Variants in MKLN1 observed in about 807,000 individuals in gnomAD.
The protein encoded by MKLN1 is muskelin 1.
In MKLN1, 18 loss-of-function variants were observed where a neutral mutation model predicts 99.0. The ratio of observed to expected loss-of-function variants is 0.18; its 90% CI spans 0.13 to 0.27. The LOEUF (loss-of-function observed/expected upper bound fraction) is 0.27. Ranked by LOEUF, MKLN1 falls within the 10% of genes least tolerant of loss-of-function variation. The pLI, the probability that MKLN1 is intolerant of heterozygous loss-of-function variation, is 1.00. For synonymous variants in MKLN1, 288 were observed against 293.2 expected, an observed-to-expected ratio of 0.98 and a Z score of 0.18; for missense variants, 621 against 875.9, an observed-to-expected ratio of 0.71 and a Z score of 3.67.
At chr7:131,201,315 C>T (rs952871889) in intron 2 of MKLN1, among the ~76,000 whole-genome samples, 5 of 152,292 alleles carry the variant, frequency 3.3e-5, no homozygotes, top group Non-Finnish European at 5.9e-5. Flanking sequence ...CCACCATGCC[C>T]GGCCCCACTT....
intron 3 of MKLN1, among the ~76,000 whole-genome samples, chr7:131,253,949 G>A (rs978558371): frequency 2.0e-5 from 3 of 152,124 alleles, no homozygotes; most frequent in African/African-American, 7.2e-5. Flanking sequence ...CAAACCTCAA[G>A]GACTGACCTC....
chr7:131,353,105 T>C (rs1249265930), intron 1 of MKLN1, among the ~76,000 whole-genome samples: 2 of 152,148 alleles, frequency 1.3e-5, no homozygotes, highest in Admixed American at 1.3e-4. Context: ...TGTTTGAACA[T>C]AGGTTTTTGT....
chr7:131,425,728 G>T (rs1194784437), intron 8 of MKLN1, among the ~76,000 whole-genome samples: 1 of 152,122 alleles, frequency 6.6e-6, no homozygotes, highest in African/African-American at 2.4e-5. Context: ...AGATGTACAT[G>T]AATTATTATA....
intron 1 of MKLN1, among the ~76,000 whole-genome samples, chr7:131,133,345 C>T (rs1038063675): frequency 1.7e-4 from 22 of 130,408 alleles, no homozygotes; most frequent in Middle Eastern, 4.1e-3. Flanking sequence ...TTTTTTCTTT[C>T]TTTCTTTCTT....
At chr7:131,446,517 G>A (rs1435030664) in intron 12 of MKLN1, among the ~76,000 whole-genome samples, 2 of 152,188 alleles carry the variant, frequency 1.3e-5, no homozygotes, top group Non-Finnish European at 2.9e-5. Context: ...AGGTGCAATG[G>A]TTTAAAATGC....
intron 6 of MKLN1, among the ~76,000 whole-genome samples, chr7:131,405,047 A>G (rs1228072639): frequency 6.6e-6 from 1 of 152,164 alleles, no homozygotes; most frequent in East Asian, 1.9e-4. Context: ...AGGACTAATC[A>G]GAGTTGTTAA....
chr7:131,230,916 T>A (rs1430822403), intron 3 of MKLN1, among the ~76,000 whole-genome samples: 2 of 151,394 alleles, frequency 1.3e-5, no homozygotes, highest in African/African-American at 4.9e-5. Context: ...AGGTCAGGAG[T>A]TCGAGACCAA....
chr7:131,424,831 G>A (rs971629313), intron 8 of MKLN1, among the ~76,000 whole-genome samples: 3 of 152,142 alleles, frequency 2.0e-5, no homozygotes, highest in Non-Finnish European at 4.4e-5. Context: ...AGTCAGTCCT[G>A]TATGCTGCAA....
chr7:131,198,303 A>G (rs550666078), intron 2 of MKLN1, among the ~76,000 whole-genome samples: 2 of 152,362 alleles, frequency 1.3e-5, no homozygotes, highest in Admixed American at 1.3e-4. Flanking sequence ...TCCAGCATGT[A>G]CAAACACTAA....
chr7:131,187,230 A>G (rs1248112823), intron 2 of MKLN1, among the ~76,000 whole-genome samples: 2 of 152,174 alleles, frequency 1.3e-5, no homozygotes, highest in Non-Finnish European at 2.9e-5. Context: ...GTTCAGTGTC[A>G]TACTTGCTCT....
At chr7:131,287,529 G>A (rs1401185454) in intron 3 of MKLN1, among the ~76,000 whole-genome samples, 3 of 152,006 alleles carry the variant, frequency 2.0e-5, no homozygotes, top group Non-Finnish European at 2.9e-5. Flanking sequence ...TGCATTTAGG[G>A]CCTACCACAG....
chr7:131,280,559 G>A (rs961773482), intron 3 of MKLN1, among the ~76,000 whole-genome samples: 2 of 152,092 alleles, frequency 1.3e-5, no homozygotes, highest in Admixed American at 1.3e-4. Context: ...ATAATGTTAA[G>A]TATCTTTTCA....
At chr7:131,283,680 G>A (rs150845390) in intron 3 of MKLN1, among the ~76,000 whole-genome samples, 3 of 151,816 alleles carry the variant, frequency 2.0e-5, no homozygotes, top group Admixed American at 6.6e-5. Flanking sequence ...AGCTGTCTGC[G>A]CATCTTGGCC....
intron 12 of MKLN1, among the ~76,000 whole-genome samples, chr7:131,456,446 C>T (rs887324465): frequency 6.6e-6 from 1 of 152,108 alleles, no homozygotes; most frequent in African/African-American, 2.4e-5. Context: ...ACTGAAGGCT[C>T]ACTCTCCCCC....
At chr7:131,315,504 A>C (rs1563289268) in intron 3 of MKLN1, among the ~76,000 whole-genome samples, 3 of 152,150 alleles carry the variant, frequency 2.0e-5, no homozygotes, top group Non-Finnish European at 4.4e-5. Context: ...AGCTAGCTAC[A>C]GTTTTTTCAT....
chr7:131,233,191 C>A (rs1043195964), intron 3 of MKLN1, among the ~76,000 whole-genome samples: 1 of 151,600 alleles, frequency 6.6e-6, no homozygotes, highest in African/African-American at 2.4e-5. Context: ...AACAAACAAA[C>A]AAAAAAACAA....
chr7:131,193,341 T>C (rs1796594343), intron 2 of MKLN1, among the ~76,000 whole-genome samples: 1 of 152,174 alleles, frequency 6.6e-6, no homozygotes, highest in Non-Finnish European at 1.5e-5. Context: ...ACTAAATCCA[T>C]CTAAAGTCAC....
At chr7:131,152,474 TTTG>T (rs1014293157) in intron 2 of MKLN1, among the ~76,000 whole-genome samples, 2 of 151,248 alleles carry the variant, frequency 1.3e-5, no homozygotes, top group South Asian at 4.2e-4. Flanking sequence ...ATAACTTACT[TTTG>T]TTGTTGTTGT....
At chr7:131,182,277 G>C (rs960238810) in intron 2 of MKLN1, among the ~76,000 whole-genome samples, 9 of 152,196 alleles carry the variant, frequency 5.9e-5, no homozygotes, top group African/African-American at 1.9e-4. Flanking sequence ...GGGAAAAACA[G>C]GTTCCCATAG....
Sources: gnomAD v4.1 joint callset for allele counts (sites outside exome capture counted in the v4.1 genomes callset) on GRCh38, gnomAD v4.1.1 for gene constraint, MANE v1.5 for transcripts, NCBI Gene and HGNC (gene_info 2026-07-23, HGNC 2026-07-21) for gene names.